Variants in CCSER1 observed in about 807,000 individuals in gnomAD.
CCSER1 encodes serine-rich coiled-coil domain-containing protein 1.
CCSER1 carries 41 observed loss-of-function variants against 82.0 expected under a neutral mutation model. The ratio of observed to expected loss-of-function variants is 0.50; its 90% CI spans 0.39 to 0.65. The LOEUF (loss-of-function observed/expected upper bound fraction) is 0.65. Among genes scored for constraint, CCSER1 ranks in the 30% least tolerant of loss-of-function variants. The pLI is 0.00. For missense variants in CCSER1, 1,119 were observed against 1,064.2 expected (o/e 1.05, Z -0.72); for synonymous variants, 414 against 383.9 (o/e 1.08, Z -0.92).
intron 3 of CCSER1, among the ~76,000 whole-genome samples, chr4:90,323,126 T>C (rs1021784442): frequency 6.6e-6 from 1 of 152,134 alleles, no homozygotes; most frequent in African/African-American, 2.4e-5. Flanking sequence ...GCTGAGCTGG[T>C]TACCAGTTGC....
At chr4:90,931,365 TA>T (rs1040975526) in intron 9 of CCSER1, among the ~76,000 whole-genome samples, 78 of 150,578 alleles carry the variant, frequency 5.2e-4, no homozygotes, top group African/African-American at 1.8e-3. Flanking sequence ...TTAATATGAT[TA>T]AATTGAATTT....
At chr4:90,574,025 T>A (rs892265747) in intron 5 of CCSER1, among the ~76,000 whole-genome samples, 28 of 152,122 alleles carry the variant, frequency 1.8e-4, no homozygotes, top group South Asian at 6.2e-4. Context: ...ATATTGTTTT[T>A]TTTTTAATTA....
intron 10 of CCSER1, among the ~76,000 whole-genome samples, chr4:91,097,426 G>A (rs1439619327): frequency 6.6e-6 from 1 of 152,124 alleles, no homozygotes; most frequent in Non-Finnish European, 1.5e-5. Context: ...TATATAATTT[G>A]CATGACTCAG....
chr4:90,171,322 C>G (rs1373427440), intron 1 of CCSER1, among the ~76,000 whole-genome samples: 1 of 151,858 alleles, frequency 6.6e-6, no homozygotes, highest in Middle Eastern at 3.4e-3. Context: ...GTTATTAAGA[C>G]GTTCCTACTT....
intron 7 of CCSER1, among the ~76,000 whole-genome samples, chr4:90,776,594 AACATTTGTTT>A (rs1283705148): frequency 2.6e-5 from 4 of 152,198 alleles, no homozygotes; most frequent in Non-Finnish European, 5.9e-5. Flanking sequence ...CATAATATCC[AACATTTGTTT>A]AATGCTTAAC....
At chr4:90,905,351 A>G (rs1375689070) in intron 8 of CCSER1, among the ~76,000 whole-genome samples, 1 of 95,570 alleles carries the variant, frequency 1.0e-5, no homozygotes, top group Non-Finnish European at 2.2e-5. Context: ...ACTACGTTCT[A>G]GTCACACCAC....
intron 10 of CCSER1, among the ~76,000 whole-genome samples, chr4:91,451,090 G>C (rs1412219577): frequency 9.3e-6 from 1 of 107,928 alleles, no homozygotes; most frequent in African/African-American, 3.2e-5. Flanking sequence ...CTAGTTCAAA[G>C]ATGGTACCTT....
intron 9 of CCSER1, among the ~76,000 whole-genome samples, chr4:90,952,143 A>G (rs551264324): frequency 3.4e-4 from 52 of 152,284 alleles, no homozygotes; most frequent in South Asian, 1.0e-3. Context: ...TTTTCTGTTG[A>G]TATATTAGGA....
intron 9 of CCSER1, among the ~76,000 whole-genome samples, chr4:90,979,529 C>T (rs577365292): frequency 1.3e-4 from 19 of 151,708 alleles, no homozygotes; most frequent in East Asian, 5.8e-4. Context: ...TATGCAAGTA[C>T]GCACTGATGA....
intron 10 of CCSER1, among the ~76,000 whole-genome samples, chr4:91,288,915 GAGAA>G (rs1743531244): frequency 1.3e-5 from 2 of 152,052 alleles, no homozygotes; most frequent in African/African-American, 2.4e-5. Flanking sequence ...GAGTTGATCA[GAGAA>G]AGAGAGAATG....
At chr4:90,566,652 G>T (rs1159756555) in intron 5 of CCSER1, among the ~76,000 whole-genome samples, 2 of 150,462 alleles carry the variant, frequency 1.3e-5, no homozygotes, top group East Asian at 3.9e-4. Context: ...GCCCAGGCTG[G>T]AGTGCAGTGG....
At chr4:90,839,079 G>T in intron 8 of CCSER1, 1 of 1,567,484 alleles carries the variant, frequency 6.4e-7, no homozygotes, top group Non-Finnish European at 8.8e-7. Context: ...GAGTACGAGC[G>T]AAGTCTGGTC....
At chr4:91,296,449 T>TTATATATATATATATATATATATA (rs72475346) in intron 10 of CCSER1, among the ~76,000 whole-genome samples, 7 of 94,094 alleles carry the variant, frequency 7.4e-5, no homozygotes, top group African/African-American at 2.2e-4. Context: ...GTGTCTAACA[T>TTATATATATATATATATATATATA]TATATATATA....
chr4:91,030,622 G>A (rs1383958065), intron 9 of CCSER1, among the ~76,000 whole-genome samples: 1 of 151,888 alleles, frequency 6.6e-6, no homozygotes, highest in Non-Finnish European at 1.5e-5. Flanking sequence ...CAGGAGTTTG[G>A]TAAACTAAAA....
chr4:90,466,459 G>A (rs993667293), intron 4 of CCSER1, among the ~76,000 whole-genome samples: 2 of 152,184 alleles, frequency 1.3e-5, no homozygotes, highest in African/African-American at 2.4e-5. Flanking sequence ...CTGTGAACCT[G>A]AGTAAGTCTG....
intron 8 of CCSER1, among the ~76,000 whole-genome samples, chr4:90,868,606 T>C (rs1766043721): frequency 1.3e-5 from 2 of 152,104 alleles, no homozygotes; most frequent in South Asian, 2.1e-4. Flanking sequence ...CCTCTGTCGA[T>C]AGACACTTCA....
chr4:91,133,503 G>T (rs188255853), intron 10 of CCSER1, among the ~76,000 whole-genome samples: 1 of 152,152 alleles, frequency 6.6e-6, no homozygotes, highest in Non-Finnish European at 1.5e-5. Flanking sequence ...AGTAGTGAAG[G>T]TAGATTGACG....
At chr4:91,403,681 G>C (rs1252967460) in intron 10 of CCSER1, among the ~76,000 whole-genome samples, 2 of 152,012 alleles carry the variant, frequency 1.3e-5, no homozygotes, top group Non-Finnish European at 2.9e-5. Context: ...GGTTCTGTTT[G>C]TATGATGGAT....
intron 9 of CCSER1, among the ~76,000 whole-genome samples, chr4:90,957,738 C>A (rs1242671725): frequency 6.9e-6 from 1 of 145,692 alleles, no homozygotes; most frequent in Admixed American, 7.1e-5. Flanking sequence ...ACACACACAG[C>A]TAACAAAAGG....
Sources: gnomAD v4.1 joint callset for allele counts (sites outside exome capture counted in the v4.1 genomes callset) on GRCh38, gnomAD v4.1.1 for gene constraint, MANE v1.5 for transcripts, NCBI Gene and HGNC (gene_info 2026-07-23, HGNC 2026-07-21) for gene names.